The following NLRP9 variants were observed in gnomAD, a reference collection of about 807,000 sequenced individuals.
NLRP9 encodes the protein NLR family pyrin domain containing 9.
In NLRP9, 88 loss-of-function variants were observed where a neutral mutation model predicts 83.1. The observed-to-expected ratio is 1.06, with a 90% CI of 0.89 to 1.26. The LOEUF (loss-of-function observed/expected upper bound fraction) is 1.26. NLRP9 is among the 50% of genes most tolerant of loss of function. The pLI is 0.00. For synonymous variants in NLRP9, 521 were observed against 447.6 expected, an observed-to-expected ratio of 1.16 and a Z score of -2.07; for missense variants, 1,308 against 1,179.3, an observed-to-expected ratio of 1.11 and a Z score of -1.60.
chr19:55,727,331 C>G (rs1056402895), intron 3 of NLRP9, among the ~76,000 whole-genome samples: 2 of 152,140 alleles, frequency 1.3e-5, no homozygotes, highest in African/African-American at 4.8e-5. Context: ...CATTTTGTAA[C>G]CTAAGGTTCC....
chr19:55,732,046 G>A lies in NLRP9; in HGVS notation c.1785C>T (p.Arg595=). 2 of 1,599,642 alleles carry A rather than the reference G, an allele frequency of 1.3e-6. No homozygotes were observed. Among genetic ancestry groups the A allele is most frequent in the Non-Finnish European group, 1.7e-6 (2 of 1,174,606 alleles). ...CTGGAAAGATATTCTCCACACACAT[G>A]CGAAGTGTCGTTAAATGTTGACAAT... The part of the protein sequence containing the change: ...LKHCQHLTTL[R]MCVENIFPDD... Residue 595 remains arginine, a synonymous_variant, in exon 2 of 9, where the codon CGC becomes CGT. Transcript: ENST00000332836.
In NLRP9 at chr19:55,719,594, T is replaced by C. The variant is rs556576676; in HGVS notation, c.2160-2696A>G. On this transcript the variant is annotated intron_variant, in intron 4 of 8. Coordinates refer to ENST00000332836, the MANE Select transcript of NLRP9 (RefSeq NM_176820.4). ...CAGTCTTTTGACTTTTTATTAATTATTGCATGCCTGTATCTAATTATCTTC... is the reference window on the plus strand; with the variant it reads ...CAGTCTTTTGACTTTTTATTAATTACTGCATGCCTGTATCTAATTATCTTC... Among the ~76,000 whole-genome samples the C allele has an allele frequency of 3.9e-5, 6 of 152,378 alleles. No homozygotes were observed. The East Asian group carries it at 1.2e-3, about 29-fold the overall frequency.
At chr19:55,715,671 C>T (rs891235206) in intron 5 of NLRP9, among the ~76,000 whole-genome samples, 9 of 151,972 alleles carry the variant, frequency 5.9e-5, no homozygotes, top group Non-Finnish European at 1.0e-4. Context: ...GCAACAAGAG[C>T]GAAACTCCGT....
intron 2 of NLRP9, 34 bp from the exon 3 acceptor site, chr19:55,730,026 G>A: frequency 6.3e-7 from 1 of 1,586,866 alleles, no homozygotes; most frequent in Non-Finnish European, 8.6e-7. Flanking sequence ...TTCTCCAGTG[G>A]CTAAACTCAA....
At chr19:55,711,478 TAGA>T (rs998622776) in intron 8 of NLRP9, 9 of 1,329,376 alleles carry the variant, frequency 6.8e-6, no homozygotes, top group Non-Finnish European at 6.9e-6. Flanking sequence ...GCAACGTAAG[TAGA>T]AGATGTTTTA....
chr19:55,711,257 A>G (rs938144981), intron 8 of NLRP9: 21 of 543,318 alleles, frequency 3.9e-5, no homozygotes, highest in Non-Finnish European at 4.9e-5. Context: ...AAATAAAAAA[A>G]TAACTTTTAA....
intron 7 of NLRP9, 29 bp from the exon 8 acceptor site, chr19:55,711,999 C>T (rs1987750892): frequency 6.2e-7 from 1 of 1,605,996 alleles, no homozygotes; most frequent in Non-Finnish European, 8.5e-7. Context: ...CCAGAGAATC[C>T]ACTCTAGCTT....
In NLRP9 at chr19:55,723,518, C is replaced by T. The variant is rs116977737; in HGVS notation, c.2159+462G>A. On this transcript the variant is annotated intron_variant, in intron 4 of 8. Coordinates refer to ENST00000332836, the MANE Select transcript of NLRP9 (RefSeq NM_176820.4). ...AAGGCGGGCAGATTGGTTGAGACCACGAGTGCAAGATCAGCCGGGGCAATA... is the reference window on the plus strand; with the variant it reads ...AAGGCGGGCAGATTGGTTGAGACCATGAGTGCAAGATCAGCCGGGGCAATA... Among the ~76,000 whole-genome samples the T allele has an allele frequency of 3.4e-3, 521 of 151,986 alleles. 11 individuals carry two copies. Among genetic ancestry groups the T allele is most frequent in the Admixed American group, 0.028 (433 of 15,230 alleles).
At chr19:55,719,007 TATTAA>T (rs1451175274) in intron 4 of NLRP9, among the ~76,000 whole-genome samples, 4 of 152,140 alleles carry the variant, frequency 2.6e-5, no homozygotes, top group Admixed American at 1.3e-4. Flanking sequence ...TCAGATCATT[TATTAA>T]ATTAGGTGAG....
chr19:55,710,908 A>C (rs1403673500), intron 8 of NLRP9, among the ~76,000 whole-genome samples: 1 of 152,132 alleles, frequency 6.6e-6, no homozygotes, highest in African/African-American at 2.4e-5. Flanking sequence ...CAACATGGTG[A>C]AACCCCGTCT....
Position 55,732,688 on chromosome 19 carries a change from C to A in NLRP9, c.1143G>T (p.Gln381His), listed in dbSNP as rs1423437186. ...FLTTVFKAGS[Q>H]SFPPKVNRAR... ...CTCTGTTCACCTTAGGTGGAAAACT[C>A]TGACTTCCTGCTTTGAATACAGTTG... The change falls in exon 2 of 9, where the codon CAG becomes CAT. Residue 381 changes from glutamine (Q) to histidine (H), a missense_variant. Transcript: ENST00000332836. 1.2e-6 allele frequency: 2 copies of A among 1,614,204 alleles called. No homozygotes were observed. The highest frequency in any genetic ancestry group is 4.5e-5 in the East Asian group (2 of 44,888).
At chr19:55,715,505 T>G (rs1489821298) in intron 5 of NLRP9, among the ~76,000 whole-genome samples, 1 of 152,042 alleles carries the variant, frequency 6.6e-6, no homozygotes, top group East Asian at 1.9e-4. Context: ...ACCCACATGG[T>G]GAACTCCTGT....
At chr19:55,736,235 C>T (rs1165112658) in intron 1 of NLRP9, among the ~76,000 whole-genome samples, 1 of 151,706 alleles carries the variant, frequency 6.6e-6, no homozygotes, top group Non-Finnish European at 1.5e-5. Context: ...ACTAAAAATA[C>T]AAAAAATTAT....
chr19:55,711,573 C>G (rs1987727322), intron 8 of NLRP9: 4 of 987,218 alleles, frequency 4.1e-6, no homozygotes, highest in African/African-American at 1.6e-5. Context: ...ATTGTCACAA[C>G]TGAGGGAAGT....
At position 55,732,547 on chromosome 19, in the gene NLRP9, C is replaced by T; in HGVS notation, c.1284G>A (p.Trp428Ter). 1 of 1,614,158 alleles carries T rather than the reference C, an allele frequency of 6.2e-7. No individual in the cohort carries two copies. The highest frequency in any genetic ancestry group is 2.2e-5 in the East Asian group (1 of 44,880). ...TCCTTTGGAGGAGTCTCATACCCAC[C>T]CACATCACGCCCTCAGACTCAGATA... ...NGLSESEGVM[W>*]VGMRLLQRRG... Residue 428 changes from tryptophan (W) to a stop codon, truncating the protein, a stop_gained, in exon 2 of 9, where the codon TGG becomes TGA. Transcript: ENST00000332836. LOFTEE classifies it high-confidence loss of function.
chr19:55,735,756 T>A (rs1189359286), intron 1 of NLRP9, among the ~76,000 whole-genome samples: 1 of 152,102 alleles, frequency 6.6e-6, no homozygotes, highest in African/African-American at 2.4e-5. Context: ...GGTGTGATTG[T>A]GGCTCACTGC....
intron 1 of NLRP9, among the ~76,000 whole-genome samples, chr19:55,736,865 A>G (rs1444116530): frequency 6.6e-6 from 1 of 151,648 alleles, no homozygotes; most frequent in African/African-American, 2.4e-5. Context: ...AAAAAAAAAC[A>G]AAAAACTAAC....
At position 55,715,289 on chromosome 19, in the gene NLRP9, C is replaced by T; in HGVS notation, c.2331-64G>A. 2.2e-6 allele frequency: 3 copies of T among 1,393,026 alleles called. No individual in the cohort carries two copies. In the South Asian group the frequency reaches 3.9e-5, roughly 18 times the overall value. The allele number at this position is 1,393,026 out of a possible 1,614,324, so 86.3% of individuals were successfully genotyped here. On this transcript the variant is annotated intron_variant, in intron 5 of 8. Coordinates refer to ENST00000332836, the MANE Select transcript of NLRP9 (RefSeq NM_176820.4). ...CAGTACATCATTCTGCAGAGAAACACACCATCTCCCAGCCCACTGAAGCTT... is the reference window on the plus strand; with the variant it reads ...CAGTACATCATTCTGCAGAGAAACATACCATCTCCCAGCCCACTGAAGCTT...
intron 4 of NLRP9, among the ~76,000 whole-genome samples, chr19:55,720,460 G>A (rs146563119): frequency 7.2e-4 from 109 of 152,236 alleles, no homozygotes; most frequent in Middle Eastern, 3.4e-3. Context: ...TGAGTAAGCC[G>A]TGACTACAGG....
Sources: allele counts gnomAD v4.1 joint callset (sites outside exome capture counted in the v4.1 genomes callset), GRCh38; gene constraint gnomAD v4.1.1; transcripts MANE v1.5; gene names NCBI Gene and HGNC (gene_info 2026-07-23, HGNC 2026-07-21).